Variants in ADAM28 observed in about 807,000 individuals in gnomAD.
ADAM28 encodes disintegrin and metalloproteinase domain-containing protein 28.
In ADAM28, 105 loss-of-function variants were observed where a neutral mutation model predicts 101.2. That is an observed-to-expected ratio of 1.04 (90% CI 0.89 to 1.22). The LOEUF is 1.22. Among genes scored for constraint, ADAM28 ranks in the 50% most tolerant of loss-of-function variants. ADAM28 has a pLI of 0.00. For missense variants in ADAM28, 1,028 were observed against 945.4 expected, an observed-to-expected ratio of 1.09 and a Z score of -1.15; for synonymous variants, 322 against 310.6, an observed-to-expected ratio of 1.04 and a Z score of -0.39.
chr8:24,335,831 G>GC (rs1813961733), intron 14 of ADAM28, 190 bp downstream of exon 14: 2 of 1,255,786 alleles, frequency 1.6e-6, no homozygotes, highest in African/African-American at 3.1e-5. Context: ...AATAAGGATG[G>GC]CCCCGTTAAA....
chr8:24,339,443 C>T, intron 14 of ADAM28, 23 bp from the exon 15 acceptor site: 1 of 1,575,086 alleles, frequency 6.3e-7, no homozygotes, highest in Non-Finnish European at 8.7e-7. Flanking sequence ...TTTCTTTTCC[C>T]TGCTGACTGA....
At chr8:24,310,443 TA>T in intron 4 of ADAM28, 2 of 499,224 alleles carry the variant, frequency 4.0e-6, no homozygotes, top group Middle Eastern at 5.8e-4. Flanking sequence ...GCAACTCCGG[TA>T]AGTTTTTCCA....
rs1435350247 is a variant in ADAM28, at chr8:24,354,334, A to T, written c.2308-50A>T. On this transcript the variant is annotated intron_variant, in intron 22 of 22. Transcript: ENST00000265769. ...ATAGTTCAGCTTCATAATAGTAAAT[A>T]TCTAAATTTTTGAAGAAAGTTGATC... 3 of 1,453,740 alleles carry T rather than the reference A, an allele frequency of 2.1e-6. No individual in the cohort carries two copies. The Admixed American group carries it at 5.9e-5, about 28-fold the overall frequency. 90.1% of individuals were successfully genotyped at this position (1,453,740 alleles called of 1,614,324 possible).
At chr8:24,344,115 TTG>T (rs1389289448) in intron 18 of ADAM28, among the ~76,000 whole-genome samples, 1 of 152,204 alleles carries the variant, frequency 6.6e-6, no homozygotes. Context: ...GTGTGTGCTG[TTG>T]TACCTACTGA....
chr8:24,313,642 G>A, intron 6 of ADAM28, 62 bp downstream of exon 6: 1 of 1,528,012 alleles, frequency 6.5e-7, no homozygotes, highest in Non-Finnish European at 8.9e-7. Context: ...TCCAGAATTA[G>A]CAGTGCAATT....
At chr8:24,333,116 A>C (rs903619972) in intron 13 of ADAM28, among the ~76,000 whole-genome samples, 1 of 152,186 alleles carries the variant, frequency 6.6e-6, no homozygotes, top group African/African-American at 2.4e-5. Flanking sequence ...GAATCCAAAA[A>C]CGTTGAATAC....
intron 2 of ADAM28, among the ~76,000 whole-genome samples, chr8:24,306,764 T>A (rs1809750889): frequency 6.6e-6 from 1 of 152,198 alleles, no homozygotes. Flanking sequence ...GGCAATCCTA[T>A]CCTGTGGCTT....
rs569013472 is a variant in ADAM28 at position 24,358,643 on chromosome 8, A to G, written c.*4239A>G. The G allele has an allele frequency of 6.6e-6, 1 of 151,278 alleles. No individual in the cohort carries two copies. The highest frequency in any genetic ancestry group is 1.9e-4 in the East Asian group (1 of 5,132). 9.4% of individuals were successfully genotyped at this position (151,278 alleles called of 1,614,324 possible). ...AAAAAGGCTTTCCCTTGACAATGTT[A>G]GGCACTTTTTAGCAACTAGGCCTGG... On this transcript the variant is annotated 3_prime_UTR_variant, in exon 23 of 23. Transcript: ENST00000265769.
At chr8:24,348,344 T>TC (rs1370016340) in intron 18 of ADAM28, among the ~76,000 whole-genome samples, 2 of 152,272 alleles carry the variant, frequency 1.3e-5, no homozygotes, top group East Asian at 3.9e-4. Context: ...TCCCTCACCA[T>TC]CAACATCCCC....
rs186564321 is a variant in ADAM28 at position 24,355,332 on chromosome 8, C to A, written c.*928C>A. 2.1e-4 allele frequency: 32 copies of A among 152,180 alleles called. No individual in the cohort carries two copies. Among genetic ancestry groups the A allele is most frequent in the African/African-American group, 7.0e-4 (29 of 41,548 alleles). 9.4% of individuals were successfully genotyped at this position (152,180 alleles called of 1,614,324 possible). A position where few individuals can be genotyped will look rare whatever the true frequency, so the allele number is the denominator to read the frequency against. Reference sequence around the variant, plus strand: ...TATTGGTTTCCTACCAAATAATCCCCTTTTTCCTGGCTTTTAGAACAATAA... The same window carrying A: ...TATTGGTTTCCTACCAAATAATCCCATTTTTCCTGGCTTTTAGAACAATAA... On this transcript the variant is annotated 3_prime_UTR_variant, in exon 23 of 23. Transcript: ENST00000265769.
rs148364011 is a variant in ADAM28, at chr8:24,300,085, TTTTGA to T, written c.150+12_150+16del. ...AAAGAGCCAGAGCAACAGGTACAGCTTTTGATTTATCAAAGGATCTTGATTTGAGA... is the reference window on the plus strand; with the variant it reads ...AAAGAGCCAGAGCAACAGGTACAGCTTTTATCAAAGGATCTTGATTTGAGA... On this transcript the variant is annotated intron_variant, in intron 2 of 22. Transcript: ENST00000265769. 1.1e-3 allele frequency: 1,753 copies of T among 1,606,028 alleles called. 1 individual carries two copies. The highest frequency in any genetic ancestry group is 1.3e-3 in the Non-Finnish European group (1,538 of 1,175,638).
chr8:24,334,984 G>C (rs1000657259), intron 13 of ADAM28, among the ~76,000 whole-genome samples: 2 of 152,120 alleles, frequency 1.3e-5, no homozygotes, highest in Non-Finnish European at 2.9e-5. Flanking sequence ...TAGGAAACTC[G>C]AGGCCTGGGA....
intron 15 of ADAM28, 71 bp downstream of exon 15, chr8:24,339,639 GATTT>G (rs1814528647): frequency 1.5e-6 from 2 of 1,298,110 alleles, no homozygotes; most frequent in Non-Finnish European, 2.2e-6. Context: ...TACACATTCT[GATTT>G]ATTCCAGTTA....
rs779113704 is a variant in ADAM28, at chr8:24,349,968, C to G, written c.2095C>G (p.Gln699Glu). 4.3e-6 allele frequency: 7 copies of G among 1,613,192 alleles called. No individual in the cohort carries two copies. The highest frequency in any genetic ancestry group is 5.9e-6 in the Non-Finnish European group (7 of 1,179,446). Residue 699 changes from glutamine (Q) to glutamate (E), a missense_variant, in exon 19 of 23, where the codon CAG (glutamine) becomes GAG (glutamate). Gln to Glu is a conservative substitution (Grantham distance 29). Transcript: ENST00000265769. Reference sequence around the variant, plus strand: ...CTCCAGAGAAAAGCAGAAGAAAGATCAGAGGTGATCCTTTATCTTATCTTG... The same window carrying G: ...CTCCAGAGAAAAGCAGAAGAAAGATGAGAGGTGATCCTTTATCTTATCTTG... ...QSSREKQKKD[Q>E]RPLSTTGTRP...
intron 10 of ADAM28, among the ~76,000 whole-genome samples, chr8:24,326,968 C>G (rs1426083901): frequency 1.3e-5 from 2 of 152,040 alleles, no homozygotes; most frequent in Non-Finnish European, 2.9e-5. Context: ...TAGAAGCATT[C>G]CTTTTGAAAG....
intron 13 of ADAM28, 125 bp downstream of exon 13, chr8:24,332,874 T>G (rs1670701306): frequency 2.1e-6 from 1 of 474,162 alleles, no homozygotes; most frequent in Admixed American, 4.3e-5. Context: ...ATATTTACTA[T>G]TTATGAAGCA....
At chr8:24,353,936 A>G (rs1320488979) in intron 22 of ADAM28, 104 bp downstream of exon 22, 4 of 736,300 alleles carry the variant, frequency 5.4e-6, no homozygotes, top group Admixed American at 2.7e-5. Context: ...TAAGAACAGT[A>G]TCTGTATGAT....
At chr8:24,307,690 A>T (rs1156245515) in intron 2 of ADAM28, among the ~76,000 whole-genome samples, 2 of 152,192 alleles carry the variant, frequency 1.3e-5, no homozygotes, top group Non-Finnish European at 1.5e-5. Flanking sequence ...ATACTCTGTG[A>T]AAGTCCCTGA....
intron 6 of ADAM28, among the ~76,000 whole-genome samples, chr8:24,314,231 T>G (rs1043336718): frequency 6.6e-5 from 10 of 152,278 alleles, no homozygotes; most frequent in African/African-American, 2.4e-4. Flanking sequence ...TATGAAGTGA[T>G]TATTATTATT....
Sources: gnomAD v4.1 joint callset for allele counts (sites outside exome capture counted in the v4.1 genomes callset) on GRCh38, gnomAD v4.1.1 for gene constraint, MANE v1.5 for transcripts, NCBI Gene and HGNC (gene_info 2026-07-23, HGNC 2026-07-21) for gene names.